Variants in CDC42BPB observed in about 807,000 individuals in gnomAD.
CDC42BPB encodes CDC42 binding protein kinase beta.
CDC42BPB carries 37 observed loss-of-function variants against 214.9 expected under a neutral mutation model. That is an observed-to-expected ratio of 0.17 (90% CI 0.13 to 0.23). The LOEUF is 0.23. CDC42BPB is among the 10% of genes least tolerant of loss of function. CDC42BPB has a pLI of 1.00. For missense variants in CDC42BPB, 1,694 were observed against 2,227.0 expected, an observed-to-expected ratio of 0.76 and a Z score of 4.82; for synonymous variants, 931 against 884.0, an observed-to-expected ratio of 1.05 and a Z score of -0.94.
chr14:103,046,242 G>T (rs1888276119), intron 1 of CDC42BPB, among the ~76,000 whole-genome samples: 1 of 151,910 alleles, frequency 6.6e-6, no homozygotes, highest in Admixed American at 6.6e-5. Flanking sequence ...CAGGAGACTG[G>T]AAACTCCTCT....
intron 1 of CDC42BPB, among the ~76,000 whole-genome samples, chr14:103,039,423 T>C (rs1257697170): frequency 1.3e-5 from 2 of 152,026 alleles, no homozygotes; most frequent in Non-Finnish European, 2.9e-5. Flanking sequence ...GAAAGAATTA[T>C]ATACCATGAT....
rs1248501297 is a variant in CDC42BPB, at chr14:102,939,934, G to A, written c.4605C>T (p.Asn1535=). The A allele has an allele frequency of 8.7e-6, 14 of 1,613,936 alleles. No individual in the cohort carries two copies. The highest frequency in any genetic ancestry group is 1.1e-5 in the Non-Finnish European group (13 of 1,180,050). Reference sequence around the variant, plus strand: ...TGCTGTTGTCGGAGGTGTCCGGCACGTTGAGAACCGCTCCTGCAGAAGCAG... The same window carrying A: ...TGCTGTTGTCGGAGGTGTCCGGCACATTGAGAACCGCTCCTGCAGAAGCAG... ...FKSKFSGAVL[N]VPDTSDNSKK... is the part of the protein sequence containing the mutation. The change falls in exon 33 of 37, where the codon AAC becomes AAT. Residue 1535 remains asparagine, a synonymous_variant. Coordinates refer to ENST00000361246, the MANE Select transcript of CDC42BPB (RefSeq NM_006035.4).
At chr14:102,942,493 G>C (rs150403754) in intron 30 of CDC42BPB, among the ~76,000 whole-genome samples, 31 of 152,206 alleles carry the variant, frequency 2.0e-4, no homozygotes, top group African/African-American at 7.0e-4. Context: ...TTGATCTGTG[G>C]ATTTGATGGT....
intron 1 of CDC42BPB, among the ~76,000 whole-genome samples, chr14:103,043,379 C>T (rs765043855): frequency 1.2e-4 from 18 of 152,160 alleles, no homozygotes; most frequent in African/African-American, 3.1e-4. Flanking sequence ...GCACTATATA[C>T]GCTACAACAT....
intron 5 of CDC42BPB, among the ~76,000 whole-genome samples, chr14:102,993,340 C>A (rs1164612531): frequency 1.3e-5 from 2 of 152,174 alleles, no homozygotes; most frequent in Non-Finnish European, 1.5e-5. Flanking sequence ...GTGCACAGGG[C>A]ATGCCGCAGG....
chr14:102,961,493 C>T (rs1051954679), intron 20 of CDC42BPB, among the ~76,000 whole-genome samples: 1 of 151,890 alleles, frequency 6.6e-6, no homozygotes, highest in Non-Finnish European at 1.5e-5. Context: ...CCCCACCACG[C>T]CCAGCTAATT....
In CDC42BPB at chr14:103,057,314, C is replaced by T; in HGVS notation, c.-141G>A. The T allele has an allele frequency of 9.5e-7, 1 of 1,052,270 alleles. No homozygotes were observed. Among genetic ancestry groups the T allele is most frequent in the Non-Finnish European group, 1.1e-6 (1 of 875,388 alleles). The allele number at this position is 1,052,270 out of a possible 1,614,324, so 65.2% of individuals were successfully genotyped here. A position where few individuals can be genotyped will look rare whatever the true frequency, so the allele number is the denominator to read the frequency against. On this transcript the variant is annotated 5_prime_UTR_variant, in exon 1 of 37. Transcript: ENST00000361246. ...TCGCCGCCCCGTCCGCGTCGTCGCG[C>T]CCCGGCCTAGGCCGACATCTTGGGC...
chr14:103,002,973 G>A (rs1490069158), intron 4 of CDC42BPB, among the ~76,000 whole-genome samples: 3 of 152,152 alleles, frequency 2.0e-5, no homozygotes, highest in African/African-American at 7.2e-5. Flanking sequence ...GTGAATGGAA[G>A]GATCCCACAC....
At chr14:102,955,105 T>C (rs1892655444) in intron 21 of CDC42BPB, among the ~76,000 whole-genome samples, 1 of 152,342 alleles carries the variant, frequency 6.6e-6, no homozygotes, top group South Asian at 2.1e-4. Flanking sequence ...ATAAGTAATG[T>C]TATCTAAGCC....
At chr14:102,999,533 G>GTA in intron 5 of CDC42BPB, 32 bp downstream of exon 5, 1 of 1,607,788 alleles carries the variant, frequency 6.2e-7, no homozygotes. Flanking sequence ...AATTAAACGT[G>GTA]GTTTCCATAA....
intron 8 of CDC42BPB, among the ~76,000 whole-genome samples, chr14:102,979,815 C>T (rs1205500993): frequency 6.6e-6 from 1 of 152,114 alleles, no homozygotes; most frequent in Non-Finnish European, 1.5e-5. Flanking sequence ...CAAAATTCTC[C>T]AGGACCAAAG....
intron 3 of CDC42BPB, among the ~76,000 whole-genome samples, chr14:103,005,844 A>AC (rs999300232): frequency 4.3e-4 from 65 of 152,060 alleles, no homozygotes; most frequent in African/African-American, 1.6e-3. Flanking sequence ...ACATGGTGAA[A>AC]CCCCGTCTCT....
intron 23 of CDC42BPB, among the ~76,000 whole-genome samples, chr14:102,953,477 T>C (rs1892579501): frequency 6.6e-6 from 1 of 152,230 alleles, no homozygotes; most frequent in Non-Finnish European, 1.5e-5. Flanking sequence ...TCATAGAAGT[T>C]TGGCTTCTTA....
intron 7 of CDC42BPB, 145 bp downstream of exon 7, chr14:102,983,410 GC>G: frequency 8.1e-7 from 1 of 1,238,636 alleles, no homozygotes. Flanking sequence ...ACTCCAATCT[GC>G]CTGTCCCCAG....
chr14:102,974,146 G>A lies in CDC42BPB; in HGVS notation c.1511C>T (p.Ser504Leu), dbSNP rs1893623620. The change falls in exon 12 of 37, where the codon TCA (serine) becomes TTA (leucine). Residue 504 changes from serine to leucine, a missense_variant. By Grantham distance (145) the Ser-to-Leu change is moderately radical. Around this residue, in one of 7 missense-constraint regions of CDC42BPB, gnomAD observed 462 missense variants for 513.5 expected, o/e 0.90. Transcript: ENST00000361246. ...IERLKNKIADSNRLERQLEDT... is the reference protein window; with the variant it reads ...IERLKNKIADLNRLERQLEDT... ...CTCAAGCTGTCGCTCGAGCCTGTTT[G>A]AATCTGGACAAAAGAGGAAATAAAC... 5 of 1,613,096 alleles carry A rather than the reference G, an allele frequency of 3.1e-6. No homozygotes were observed. The Admixed American group carries it at 5.0e-5, about 16-fold the overall frequency.
intron 1 of CDC42BPB, among the ~76,000 whole-genome samples, chr14:103,051,305 C>T (rs558380719): frequency 6.6e-6 from 1 of 151,784 alleles, no homozygotes; most frequent in Non-Finnish European, 1.5e-5. Flanking sequence ...CCATAACATA[C>T]CGTCATCCCA....
intron 4 of CDC42BPB, among the ~76,000 whole-genome samples, chr14:103,003,725 A>G (rs973814477): frequency 2.0e-5 from 3 of 152,274 alleles, no homozygotes; most frequent in Non-Finnish European, 4.4e-5. Context: ...TTAGAAAAAA[A>G]CAAAGTCCTT....
At chr14:103,029,146 T>G (rs1190260729) in intron 1 of CDC42BPB, among the ~76,000 whole-genome samples, 2 of 152,244 alleles carry the variant, frequency 1.3e-5, no homozygotes, top group Non-Finnish European at 2.9e-5. Flanking sequence ...TTTACCTTAT[T>G]TAGACATTGA....
rs564227365 is a variant in CDC42BPB at position 102,952,438 on chromosome 14, C to T, written c.3172+60G>A. ...GGGCTGCCCTGGAGCCGGCTGGTGC[C>T]CTTAGCTGCAGGGGTGTGGGGCTGT... On this transcript the variant is annotated intron_variant, in intron 24 of 36. Transcript: ENST00000361246. 4.7e-6 allele frequency: 5 copies of T among 1,067,096 alleles called. No homozygotes were observed. In the African/African-American group the frequency reaches 6.2e-5, roughly 13 times the overall value. 66.1% of individuals were successfully genotyped at this position (1,067,096 alleles called of 1,614,324 possible).
Sources: gnomAD v4.1 joint callset for allele counts (sites outside exome capture counted in the v4.1 genomes callset) on GRCh38, gnomAD v4.1.1 for gene constraint, gnomAD v4.1.1 regional missense constraint, MANE v1.5 for transcripts, NCBI Gene and HGNC (gene_info 2026-07-23, HGNC 2026-07-21) for gene names.